Variants in BCAS3 observed in about 807,000 individuals in gnomAD.
BCAS3 encodes BCAS3 microtubule associated cell migration factor, also known as BCAS4/BCAS3 fusion.
Under a neutral mutation model 116.1 loss-of-function variants are expected in BCAS3, and 53 were observed. That is an observed-to-expected ratio of 0.46 (90% CI 0.37 to 0.57). The LOEUF (loss-of-function observed/expected upper bound fraction) is 0.57, where lower values mean the gene tolerates loss of function less well. Among genes scored for constraint, BCAS3 ranks in the 20% least tolerant of loss-of-function variants. The probability of loss-of-function intolerance (pLI) is 0.00; values close to 1 mark genes in which losing one functional copy is unlikely to be tolerated. For missense variants in BCAS3, 917 were observed against 1,165.4 expected, an observed-to-expected ratio of 0.79 and a Z score of 3.10; for synonymous variants, 391 against 408.2, an observed-to-expected ratio of 0.96 and a Z score of 0.51.
At position 60,865,659 on chromosome 17, in the gene BCAS3, G is replaced by A. The variant is rs191546146; in HGVS notation, c.477-2917G>A. 3.9e-5 allele frequency among the ~76,000 whole-genome samples: 6 copies of A among 152,092 alleles called. No homozygotes were observed. The East Asian group carries it at 1.2e-3, about 29-fold the overall frequency. ...AGTAGCTTTTTAAAGAGATTCTTTG[G>A]GATTTTTTATGTAGATAATGTTATC... On this transcript the variant is annotated intron_variant, in intron 7 of 23. Transcript: ENST00000407086.
At chr17:60,704,131 C>T (rs1001666277) in intron 4 of BCAS3, among the ~76,000 whole-genome samples, 5 of 152,000 alleles carry the variant, frequency 3.3e-5, no homozygotes, top group African/African-American at 1.2e-4. Context: ...CAACTTCTGC[C>T]GACCAAGAGG....
In BCAS3 at chr17:61,019,570, C is replaced by A. The variant is rs528162674; in HGVS notation, c.1637+3669C>A. ...AAAGTAATATTTGATTCGTGAGAAC[C>A]AAATATATTCTGTGAATTTTCATTT... On this transcript the variant is annotated intron_variant, in intron 16 of 23. Transcript: ENST00000407086. The surrounding 1 kb of genome is among the most constrained non-coding windows in gnomAD (Gnocchi z 5.6). Among the ~76,000 whole-genome samples, 70 of 152,090 alleles carry A rather than the reference C, an allele frequency of 4.6e-4. 1 individual carries two copies. The South Asian group carries it at 0.014, about 29-fold the overall frequency.
chr17:60,924,520 T>C lies in BCAS3; in HGVS notation c.1087+20T>C. The C allele has an allele frequency of 2.2e-6, 2 of 891,584 alleles. No homozygotes were observed. The highest frequency in any genetic ancestry group is 3.3e-5 in the Admixed American group (1 of 30,090). 55.2% of individuals were successfully genotyped at this position (891,584 alleles called of 1,614,324 possible). On this transcript the variant is annotated intron_variant, in intron 13 of 23. Coordinates refer to ENST00000407086, the MANE Select transcript of BCAS3 (RefSeq NM_017679.5). ...CAAGTGGTAAGTTCGCTCTCTGTCT[T>C]TTTTTTTTTTTTTTTTGTAGACCAT...
intron 7 of BCAS3, among the ~76,000 whole-genome samples, chr17:60,860,843 G>A (rs1453782823): frequency 1.3e-5 from 2 of 152,074 alleles, no homozygotes; most frequent in Non-Finnish European, 2.9e-5. Context: ...TGTTCCATTG[G>A]TCTATGTGTC....
chr17:61,230,165 A>G (rs2082589826), intron 22 of BCAS3, among the ~76,000 whole-genome samples: 2 of 151,966 alleles, frequency 1.3e-5, no homozygotes, highest in South Asian at 4.2e-4. Flanking sequence ...ACACACACAC[A>G]CACACACACA....
chr17:60,757,328 TAATAAATAAATAAATA>T (rs1304670427), intron 6 of BCAS3, among the ~76,000 whole-genome samples: 1 of 19,018 alleles, frequency 5.3e-5, no homozygotes, highest in African/African-American at 5.9e-5. Flanking sequence ...AAAATAATAA[TAATAAATAAATAAATA>T]AATAAATAAA....
chr17:60,770,140 G>A (rs8065297), intron 6 of BCAS3, among the ~76,000 whole-genome samples: 41,677 of 151,986 alleles, frequency 0.27, 11,421 homozygotes, highest in African/African-American at 0.71. Flanking sequence ...GGGAGTTCAA[G>A]TTCTCTCTCT....
At chr17:60,824,801 C>T (rs932762078) in intron 7 of BCAS3, among the ~76,000 whole-genome samples, 5 of 152,064 alleles carry the variant, frequency 3.3e-5, no homozygotes, top group South Asian at 4.1e-4. Flanking sequence ...TTTCCCTTGC[C>T]GATGTGTTGT....
intron 22 of BCAS3, among the ~76,000 whole-genome samples, chr17:61,306,547 T>A (rs1033236720): frequency 6.6e-6 from 1 of 151,854 alleles, no homozygotes; most frequent in African/African-American, 2.4e-5. Flanking sequence ...GAGGCTGAGG[T>A]GGGAGGATCG....
At chr17:61,195,845 T>A (rs1023419672) in intron 22 of BCAS3, among the ~76,000 whole-genome samples, 1 of 152,224 alleles carries the variant, frequency 6.6e-6, no homozygotes, top group Non-Finnish European at 1.5e-5. Flanking sequence ...ATAGGTTTAT[T>A]CTGGTTGGTA....
At chr17:61,240,767 T>G (rs190640052) in intron 22 of BCAS3, among the ~76,000 whole-genome samples, 1 of 152,350 alleles carries the variant, frequency 6.6e-6, no homozygotes, top group Admixed American at 6.5e-5. Flanking sequence ...TAGAACAGAT[T>G]CATTTACCTA....
intron 22 of BCAS3, among the ~76,000 whole-genome samples, chr17:61,201,348 G>A (rs1443131805): frequency 2.6e-5 from 4 of 152,228 alleles, no homozygotes; most frequent in Non-Finnish European, 4.4e-5. Context: ...GATTTTATCA[G>A]GCTTGCCAGC....
intron 22 of BCAS3, among the ~76,000 whole-genome samples, chr17:61,216,001 C>A (rs529590405): frequency 6.6e-6 from 1 of 152,096 alleles, no homozygotes; most frequent in Non-Finnish European, 1.5e-5. Flanking sequence ...AGTAGTAGAT[C>A]GCTGATATTT....
intron 22 of BCAS3, among the ~76,000 whole-genome samples, chr17:61,236,253 A>G (rs1401244870): frequency 6.6e-6 from 1 of 152,218 alleles, no homozygotes; most frequent in Non-Finnish European, 1.5e-5. Flanking sequence ...GTGGGAGGAC[A>G]GGGGCAAGTT....
At chr17:60,878,023 T>C (rs955028747) in intron 9 of BCAS3, among the ~76,000 whole-genome samples, 1 of 151,514 alleles carries the variant, frequency 6.6e-6, no homozygotes, top group East Asian at 1.9e-4. Flanking sequence ...CTTTTTTTTT[T>C]TTTTGAGATG....
intron 19 of BCAS3, among the ~76,000 whole-genome samples, chr17:61,049,465 T>A (rs1011874988): frequency 1.3e-5 from 2 of 151,812 alleles, no homozygotes; most frequent in African/African-American, 2.4e-5. Context: ...AAACAGAATT[T>A]CTGAAGAAGG....
intron 22 of BCAS3, among the ~76,000 whole-genome samples, chr17:61,102,121 A>T (rs369819673): frequency 2.0e-5 from 3 of 152,270 alleles, no homozygotes; most frequent in East Asian, 3.9e-4. Flanking sequence ...AAATAGCTAT[A>T]TGCAAATTAG....
chr17:61,345,989 G>T (rs1412129276), intron 22 of BCAS3, among the ~76,000 whole-genome samples: 1 of 152,218 alleles, frequency 6.6e-6, no homozygotes, highest in East Asian at 1.9e-4. Context: ...TGAAGGTGAA[G>T]GTCGTTGGTG....
In BCAS3 at chr17:61,326,088, G is replaced by A. The variant is rs567155218; in HGVS notation, c.2426-42239G>A. On this transcript the variant is annotated intron_variant, in intron 22 of 23. Coordinates refer to ENST00000407086, the MANE Select transcript of BCAS3 (RefSeq NM_017679.5). This position sits in a 1 kb window ranked among gnomAD's most constrained non-coding sequence, Gnocchi z 5.3. ...GCCCGGACACAGTGGAGCTTGTGAA[G>A]TTTGTGGTCTAGGAGGGGAAAAGAC... Among the ~76,000 whole-genome samples the A allele has an allele frequency of 2.0e-5, 3 of 152,338 alleles. No homozygotes were observed. Among genetic ancestry groups the A allele is most frequent in the African/African-American group, 7.2e-5 (3 of 41,578 alleles).
Sources: allele counts gnomAD v4.1 joint callset (sites outside exome capture counted in the v4.1 genomes callset), GRCh38; gene constraint gnomAD v4.1.1; non-coding constraint Gnocchi (gnomAD v3.1); transcripts MANE v1.5; gene names NCBI Gene and HGNC (gene_info 2026-07-23, HGNC 2026-07-21).